Variants in TNNC2 observed in about 807,000 individuals in gnomAD.
TNNC2 encodes the protein troponin C, skeletal muscle.
Under a neutral mutation model 20.0 loss-of-function variants are expected in TNNC2, and 14 were observed. The observed-to-expected ratio is 0.70, with a 90% CI of 0.46 to 1.09. The LOEUF (loss-of-function observed/expected upper bound fraction) is 1.09. Among genes scored for constraint, TNNC2 ranks in the 50% least tolerant of loss-of-function variants. TNNC2 has a pLI of 0.00. For missense variants in TNNC2, 163 were observed against 223.8 expected (o/e 0.73, Z 1.73); for synonymous variants, 81 against 77.3 (o/e 1.05, Z -0.25).
Position 45,824,426 on chromosome 20 carries a change from G to T in TNNC2, c.200-20C>A. The T allele has an allele frequency of 1.2e-6, 2 of 1,611,030 alleles. No homozygotes were observed. On this transcript the variant is annotated intron_variant, in intron 3 of 5. Coordinates refer to ENST00000372555, the MANE Select transcript of TNNC2 (RefSeq NM_003279.3). Reference sequence around the variant, plus strand: ...CGCTGCCTGCGGGCAGCAGGTGGCAGACTGAGCCTGAGCCCAGCCGCTGCC... The same window carrying T: ...CGCTGCCTGCGGGCAGCAGGTGGCATACTGAGCCTGAGCCCAGCCGCTGCC...
At chr20:45,825,088 A>G (rs559334166) in intron 1 of TNNC2, among the ~76,000 whole-genome samples, 3 of 152,278 alleles carry the variant, frequency 2.0e-5, no homozygotes, top group African/African-American at 7.2e-5. Context: ...GGCTCAAGCA[A>G]TCGTCCCACT....
At chr20:45,824,214 A>G (rs537681678) in intron 4 of TNNC2, 78 bp downstream of exon 4, 35 of 1,599,782 alleles carry the variant, frequency 2.2e-5, no homozygotes, top group Admixed American at 6.7e-5. Context: ...CGCACTCCCA[A>G]CACGGGGAAG....
chr20:45,823,985 C>A lies in TNNC2; in HGVS notation c.451+6G>T. ...CCGCTCTTCCCAAGCTCCCGTTGGCCCTCACCGTCGAAGTCAATGCGGCCG... is the reference window on the plus strand; with the variant it reads ...CCGCTCTTCCCAAGCTCCCGTTGGCACTCACCGTCGAAGTCAATGCGGCCG... On this transcript the variant is annotated splice_donor_region_variant and intron_variant, in intron 5 of 5. Transcript: ENST00000372555. The surrounding 1 kb of genome is among the most constrained non-coding windows in gnomAD (Gnocchi z 4.6). 1 of 1,614,052 alleles carries A rather than the reference C, an allele frequency of 6.2e-7. No homozygotes were observed. Among genetic ancestry groups the A allele is most frequent in the Non-Finnish European group, 8.5e-7 (1 of 1,179,958 alleles).
chr20:45,824,858 T>G, intron 1 of TNNC2, 24 bp from the exon 2 acceptor site: 2 of 1,614,074 alleles, frequency 1.2e-6, no homozygotes, highest in Non-Finnish European at 1.7e-6. Context: ...AGAGAAAGTC[T>G]GAGCTGAAGA....
At chr20:45,827,391 C>A (rs1983000779), upstream of TNNC2, 4 of 1,080,800 alleles carry the variant, frequency 3.7e-6, no homozygotes, top group Non-Finnish European at 5.5e-6. Context: ...ACTGGAGACC[C>A]TGCCCAATCA....
At chr20:45,826,011 C>CCA (rs1269638533) in intron 1 of TNNC2, among the ~76,000 whole-genome samples, 12 of 149,414 alleles carry the variant, frequency 8.0e-5, no homozygotes, top group African/African-American at 3.0e-4. Context: ...GGGAACCCCC[C>CCA]CCACCCCCCA....
At chr20:45,827,203 G>A (rs1160051616) in intron 1 of TNNC2, 43 bp downstream of exon 1, 10 of 1,614,008 alleles carry the variant, frequency 6.2e-6, no homozygotes, top group African/African-American at 1.3e-5. Flanking sequence ...GGGGTCCAGA[G>A]TGCTCCCGTG....
upstream of TNNC2, among the ~76,000 whole-genome samples, chr20:45,831,650 CAGG>C (rs1983110320): frequency 6.6e-6 from 1 of 151,562 alleles, no homozygotes; most frequent in Non-Finnish European, 1.5e-5. Context: ...GAAGAAGAAG[CAGG>C]AGGAGGAAGA....
intron 1 of TNNC2, among the ~76,000 whole-genome samples, chr20:45,826,154 C>G (rs1198573357): frequency 6.6e-6 from 1 of 152,174 alleles, no homozygotes; most frequent in South Asian, 2.1e-4. Flanking sequence ...TTTTCTGCAG[C>G]TCCTAATGGT....
At position 45,824,402 on chromosome 20, in the gene TNNC2, G is replaced by A; in HGVS notation, c.204C>T (p.Ser68=). 3 of 1,610,414 alleles carry A rather than the reference G, an allele frequency of 1.9e-6. No individual in the cohort carries two copies. The highest frequency in any genetic ancestry group is 1.7e-6 in the Non-Finnish European group (2 of 1,179,996). ...AGAACTCCTCGAAGTCGATGGTGCCGCTGCCTGCGGGCAGCAGGTGGCAGA... is the reference window on the plus strand; with the variant it reads ...AGAACTCCTCGAAGTCGATGGTGCCACTGCCTGCGGGCAGCAGGTGGCAGA... ...AIIEEVDEDG[S]GTIDFEEFLV... The change falls in exon 4 of 6, where the codon AGC becomes AGT. Residue 68 remains serine (S), a synonymous_variant. Transcript: ENST00000372555.
chr20:45,824,293 T>A lies in TNNC2; in HGVS notation c.313A>T (p.Arg105Trp), dbSNP rs766419408. ...ELAECFRIFD[R>W]NADGYIDPEE... The stretch of plus-strand genomic sequence containing the variant: ...TCGGCTCCCGGGCCCCCAGCGCACC[T>A]GTCGAAGATGCGGAAGCACTCGGCC... Residue 105 changes from arginine to tryptophan, a missense_variant and splice_region_variant, in exon 4 of 6, where the codon AGG becomes TGG. Physicochemically the swap from Arg to Trp is moderately radical, Grantham distance 101. Coordinates refer to ENST00000372555, the MANE Select transcript of TNNC2 (RefSeq NM_003279.3). The A allele has an allele frequency of 1.2e-6, 2 of 1,610,132 alleles. No homozygotes were observed. Among genetic ancestry groups the A allele is most frequent in the Non-Finnish European group, 1.7e-6 (2 of 1,179,898 alleles).
intron 1 of TNNC2, among the ~76,000 whole-genome samples, chr20:45,825,905 C>A (rs1982956351): frequency 6.6e-6 from 1 of 152,182 alleles, no homozygotes; most frequent in Non-Finnish European, 1.5e-5. Context: ...CAGGCGTGAG[C>A]CACCGCGCGC....
upstream of TNNC2, among the ~76,000 whole-genome samples, chr20:45,827,847 T>C (rs1258678459): frequency 6.6e-6 from 1 of 152,084 alleles, no homozygotes; most frequent in Non-Finnish European, 1.5e-5. Context: ...GTACACAGCG[T>C]TGGTGCTTGG....
At chr20:45,832,668 G>T (rs1262276680) in intron 2 of TNNC2, among the ~76,000 whole-genome samples, 2 of 152,222 alleles carry the variant, frequency 1.3e-5, no homozygotes, top group Admixed American at 1.3e-4. Context: ...ACTTTGGAGA[G>T]ATTTTGATTT....
upstream of TNNC2, among the ~76,000 whole-genome samples, chr20:45,828,222 G>C (rs1353308158): frequency 1.5e-4 from 20 of 137,784 alleles, no homozygotes; most frequent in Admixed American, 1.5e-3. Flanking sequence ...TATTTTTATA[G>C]AGATGGGGTT....
Position 45,833,156 on chromosome 20 carries a change from AAGAAAGAAAGAGAGAGAG to A in TNNC2, c.-43+77_-43+94del, listed in dbSNP as rs1369051581. 5 of 109,754 alleles carry A rather than the reference AAGAAAGAAAGAGAGAGAG, an allele frequency of 4.6e-5. 1 individual carries two copies. Among genetic ancestry groups the A allele is most frequent in the African/African-American group, 1.6e-4 (5 of 31,702 alleles). 6.8% of individuals were successfully genotyped at this position (109,754 alleles called of 1,614,324 possible). A position where few individuals can be genotyped will look rare whatever the true frequency, so the allele number is the denominator to read the frequency against. ...GAGACTCCATCTCAAAAGAGAAAGA[AAGAAAGAAAGAGAGAGAG>A]AGAAAGAAAGAAAGAGAGAGAGAGA... On this transcript the variant is annotated intron_variant, in intron 2 of 6. Coordinates refer to the TNNC2 transcript ENST00000372557.
chr20:45,827,391 C>G (rs1983000779), upstream of TNNC2: 1 of 1,080,918 alleles, frequency 9.3e-7, no homozygotes, highest in East Asian at 2.6e-5. Context: ...ACTGGAGACC[C>G]TGCCCAATCA....
At position 45,824,039 on chromosome 20, in the gene TNNC2, G is replaced by C. The variant is rs1303423193; in HGVS notation, c.403C>G (p.Leu135Val). The C allele has an allele frequency of 6.2e-7, 1 of 1,614,134 alleles. No individual in the cohort carries two copies. Among genetic ancestry groups the C allele is most frequent in the South Asian group, 1.1e-5 (1 of 91,078 alleles). The change falls in exon 5 of 6, where the codon CTG (leucine) becomes GTG (valine). Residue 135 changes from leucine to valine, a missense_variant. By Grantham distance (32) the Leu-to-Val change is conservative (BLOSUM62 1). Coordinates refer to ENST00000372555, the MANE Select transcript of TNNC2 (RefSeq NM_003279.3). Reference protein sequence around the residue: ...EHVTDEEIESLMKDGDKNNDG... With the variant: ...EHVTDEEIESVMKDGDKNNDG... ...TTGTTCTTGTCGCCGTCTTTCATCA[G>C]AGATTCGATCTCCTCGTCCGTCACG...
Position 45,824,797 on chromosome 20 carries a change from T to C in TNNC2, c.41A>G (p.Glu14Gly), listed in dbSNP as rs1982925054. ...GCCTCACTCACCAGCGATCATCTCT[T>C]CGCTGAGGTAGGACCTGGCCTCAGC... ...QQAEARSYLS[E>G]EMIAEFKAAF... Residue 14 changes from glutamate (E) to glycine (G), a missense_variant, in exon 2 of 6, where the codon GAA (glutamate) becomes GGA (glycine). Coordinates refer to ENST00000372555, the MANE Select transcript of TNNC2 (RefSeq NM_003279.3). 7 of 1,610,394 alleles carry C rather than the reference T, an allele frequency of 4.3e-6. No homozygotes were observed. Among genetic ancestry groups the C allele is most frequent in the South Asian group, 2.2e-5 (2 of 90,924 alleles).
Sources: gnomAD v4.1 joint callset for allele counts (sites outside exome capture counted in the v4.1 genomes callset) on GRCh38, gnomAD v4.1.1 for gene constraint, Gnocchi (gnomAD v3.1) non-coding constraint, MANE v1.5 for transcripts, NCBI Gene and HGNC (gene_info 2026-07-23, HGNC 2026-07-21) for gene names.